KCNJ6: variants seen among roughly 807,000 people sequenced by gnomAD.
KCNJ6 encodes the protein G protein-activated inward rectifier potassium channel 2.
A neutral mutation model predicts 34.2 loss-of-function variants in KCNJ6; 9 were observed. That is an observed-to-expected ratio of 0.26 (90% CI 0.16 to 0.46). The LOEUF (loss-of-function observed/expected upper bound fraction) is 0.46, where lower values mean the gene tolerates loss of function less well. KCNJ6 is among the 20% of genes least tolerant of loss of function. The pLI, the probability that KCNJ6 is intolerant of heterozygous loss-of-function variation, is 1.00. For synonymous variants in KCNJ6, 196 were observed against 207.1 expected, an observed-to-expected ratio of 0.95 and a Z score of 0.46; for missense variants, 236 against 531.3, an observed-to-expected ratio of 0.44 and a Z score of 5.46.
intron 1 of KCNJ6, among the ~76,000 whole-genome samples, chr21:37,861,277 C>A (rs187789223): frequency 5.3e-5 from 8 of 152,242 alleles, no homozygotes; most frequent in Admixed American, 5.2e-4. Context: ...AGTCCAAGAC[C>A]AAGGTTTCAG....
chr21:37,653,674 A>G (rs373548761), intron 3 of KCNJ6, among the ~76,000 whole-genome samples: 14 of 152,324 alleles, frequency 9.2e-5, no homozygotes, highest in African/African-American at 3.4e-4. Context: ...TACATTTCAT[A>G]GGCTCTCTCC....
At chr21:37,877,872 C>T (rs954564384) in intron 1 of KCNJ6, among the ~76,000 whole-genome samples, 2 of 152,220 alleles carry the variant, frequency 1.3e-5, no homozygotes, top group African/African-American at 4.8e-5. Flanking sequence ...TTTTCTGGCG[C>T]ATGCCGGAAG....
intron 1 of KCNJ6, among the ~76,000 whole-genome samples, chr21:37,904,771 T>C (rs2055833261): frequency 6.6e-6 from 1 of 152,176 alleles, no homozygotes. Flanking sequence ...TCAAGCAACA[T>C]TGTTTTTGCA....
intron 2 of KCNJ6, among the ~76,000 whole-genome samples, chr21:37,740,243 A>G (rs2054933811): frequency 6.6e-6 from 1 of 152,212 alleles, no homozygotes. Flanking sequence ...CCATTATGGT[A>G]AGTGGGGATT....
At chr21:37,769,560 T>C (rs1258191350) in intron 2 of KCNJ6, among the ~76,000 whole-genome samples, 1 of 151,800 alleles carries the variant, frequency 6.6e-6, no homozygotes, top group African/African-American at 2.4e-5. Flanking sequence ...ATATCTTATC[T>C]CCTTTCCCCA....
In KCNJ6 at chr21:37,625,378, G is replaced by A. The variant is rs2054306379; in HGVS notation, c.1053C>T (p.Tyr351=). The A allele has an allele frequency of 6.2e-7, 1 of 1,614,186 alleles. No homozygotes were observed. Among genetic ancestry groups the A allele is most frequent in the Middle Eastern group, 1.6e-4 (1 of 6,062 alleles). ...TCTCATAGGTCTCATGGAAGCTGTT[G>A]TAGTCAACTTCGTAGAACCCGTCCT... ...TLEDGFYEVD[Y]NSFHETYETS... is the part of the protein sequence containing the mutation. The change falls in exon 4 of 4, where the codon TAC becomes TAT. Residue 351 remains tyrosine (Y), a synonymous_variant. Transcript: ENST00000609713.
chr21:37,855,446 C>T (rs1208117490), intron 1 of KCNJ6, among the ~76,000 whole-genome samples: 2 of 152,158 alleles, frequency 1.3e-5, no homozygotes, highest in South Asian at 2.1e-4. Flanking sequence ...TTCTTGGAAC[C>T]TTTCTATAGA....
intron 1 of KCNJ6, among the ~76,000 whole-genome samples, chr21:37,893,562 C>T (rs1421334882): frequency 6.6e-6 from 1 of 152,076 alleles, no homozygotes; most frequent in Admixed American, 6.5e-5. Flanking sequence ...CTTCTTGCAA[C>T]AGCACTCGGC....
intron 1 of KCNJ6, among the ~76,000 whole-genome samples, chr21:37,876,146 G>T (rs540795166): frequency 1.3e-5 from 2 of 152,322 alleles, no homozygotes; most frequent in South Asian, 4.1e-4. Flanking sequence ...TGAGCATGGG[G>T]TCCTGTGCAA....
intron 1 of KCNJ6, among the ~76,000 whole-genome samples, chr21:37,901,391 A>C (rs1193547748): frequency 4.6e-5 from 1 of 21,528 alleles, no homozygotes; most frequent in Non-Finnish European, 8.6e-5. Context: ...CCCAGGGTGA[A>C]TCTGAAAAGT....
chr21:37,789,965 A>C (rs750755893), intron 2 of KCNJ6, among the ~76,000 whole-genome samples: 3 of 152,154 alleles, frequency 2.0e-5, no homozygotes, highest in Non-Finnish European at 2.9e-5. Context: ...CAGGTGTGTG[A>C]GTGATAGAGT....
chr21:37,610,598 T>TAAAAAAAAAAAAAA lies in KCNJ6; in HGVS notation c.*14547_*14560dup, dbSNP rs71328602. 1.4e-4 allele frequency: 11 copies of TAAAAAAAAAAAAAA among 77,470 alleles called. No homozygotes were observed. The highest frequency in any genetic ancestry group is 5.7e-4 in the African/African-American group (10 of 17,426). 4.8% of individuals were successfully genotyped at this position (77,470 alleles called of 1,614,324 possible). A position where few individuals can be genotyped will look rare whatever the true frequency, so the allele number is the denominator to read the frequency against. ...TGGGCAACAGAGTGAGACTCTGTCT[T>TAAAAAAAAAAAAAA]AAAAAAAAAAAAAAAAAAAAAAGGA... is the stretch of plus-strand genomic sequence containing the variant. On this transcript the variant is annotated 3_prime_UTR_variant, in exon 4 of 4. Coordinates refer to ENST00000609713, the MANE Select transcript of KCNJ6 (RefSeq NM_002240.5).
chr21:37,692,131 G>A (rs1032905188), intron 3 of KCNJ6, among the ~76,000 whole-genome samples: 8 of 151,978 alleles, frequency 5.3e-5, no homozygotes, highest in Non-Finnish European at 8.8e-5. Flanking sequence ...GTTGATGGGC[G>A]CAACAAACCA....
chr21:37,707,717 C>A (rs62221647), intron 3 of KCNJ6, among the ~76,000 whole-genome samples: 2 of 2,466 alleles, frequency 8.1e-4, no homozygotes, highest in Non-Finnish European at 1.7e-3. Context: ...TGTTTAGTAT[C>A]TGTGCATGTG....
At chr21:37,668,906 C>T (rs572690159) in intron 3 of KCNJ6, among the ~76,000 whole-genome samples, 12 of 152,296 alleles carry the variant, frequency 7.9e-5, no homozygotes, top group East Asian at 5.8e-4. Context: ...AGCTGGCTTT[C>T]GTGATGCAAA....
At chr21:37,829,370 G>T (rs1051487704) in intron 2 of KCNJ6, among the ~76,000 whole-genome samples, 1 of 152,226 alleles carries the variant, frequency 6.6e-6, no homozygotes, top group Non-Finnish European at 1.5e-5. Flanking sequence ...AAAGGCAAGT[G>T]GGGGTAGGTG....
At chr21:37,813,250 T>C (rs1352807388) in intron 2 of KCNJ6, among the ~76,000 whole-genome samples, 2 of 152,102 alleles carry the variant, frequency 1.3e-5, no homozygotes, top group African/African-American at 4.8e-5. Context: ...ATGAAAGAAA[T>C]TGAACTGGAC....
chr21:37,675,746 A>G lies in KCNJ6; in HGVS notation c.946+38465T>C, dbSNP rs1424221533. Among the ~76,000 whole-genome samples the G allele has an allele frequency of 6.6e-6, 1 of 152,182 alleles. No individual in the cohort carries two copies. The highest frequency in any genetic ancestry group is 2.4e-5 in the African/African-American group (1 of 41,448). On this transcript the variant is annotated intron_variant, in intron 3 of 3. Transcript: ENST00000609713. This position sits in a 1 kb window ranked among gnomAD's most constrained non-coding sequence, Gnocchi z 4.2. ...AGGCTCTTATAGACTCTTACACCAA[A>G]AGAAGAATTTGGAGGTCCACCCCTA... is the stretch of plus-strand genomic sequence containing the variant.
intron 1 of KCNJ6, among the ~76,000 whole-genome samples, chr21:37,890,495 C>T (rs1460824659): frequency 6.6e-6 from 1 of 152,184 alleles, no homozygotes; most frequent in African/African-American, 2.4e-5. Flanking sequence ...CCTATTTTAA[C>T]CTACGACATA....
Sources: gnomAD v4.1 joint callset for allele counts (sites outside exome capture counted in the v4.1 genomes callset) on GRCh38, gnomAD v4.1.1 for gene constraint, Gnocchi (gnomAD v3.1) non-coding constraint, MANE v1.5 for transcripts, NCBI Gene and HGNC (gene_info 2026-07-23, HGNC 2026-07-21) for gene names.